Variants in TSHZ2 observed in about 807,000 individuals in gnomAD.
TSHZ2 encodes teashirt homolog 2.
TSHZ2 carries 21 observed loss-of-function variants against 74.4 expected under a neutral mutation model. The observed-to-expected ratio is 0.28, with a 90% confidence interval of 0.20 to 0.41. The LOEUF (loss-of-function observed/expected upper bound fraction) is 0.41. Among genes scored for constraint, TSHZ2 ranks in the 10% least tolerant of loss-of-function variants. The pLI is 1.00. For missense variants in TSHZ2, 1,244 were observed against 1,293.5 expected (o/e 0.96, Z 0.59); for synonymous variants, 540 against 515.3 (o/e 1.05, Z -0.65).
rs536032204 is a variant in TSHZ2, at chr20:53,175,285, C to A, written c.41-78214C>A. ...CCTCCCGAGTAGCTGGAATTACAGT[C>A]GCCCACCACCACGCCTGGCTAATTT... On this transcript the variant is annotated intron_variant, in intron 1 of 2. Transcript: ENST00000371497. Among the ~76,000 whole-genome samples the A allele has an allele frequency of 3.9e-5, 6 of 151,914 alleles. No individual in the cohort carries two copies. The East Asian group carries it at 1.2e-3, about 29-fold the overall frequency.
intron 1 of TSHZ2, among the ~76,000 whole-genome samples, chr20:53,208,326 C>G (rs1989222400): frequency 6.6e-6 from 1 of 152,146 alleles, no homozygotes; most frequent in Admixed American, 6.5e-5. Flanking sequence ...GACTGTTCCT[C>G]CCTTTGGTAG....
At chr20:53,403,946 C>A (rs1982759468) in intron 2 of TSHZ2, among the ~76,000 whole-genome samples, 1 of 152,118 alleles carries the variant, frequency 6.6e-6, no homozygotes, top group African/African-American at 2.4e-5. Flanking sequence ...TAAACAGATC[C>A]TGGGATGAGT....
intron 2 of TSHZ2, among the ~76,000 whole-genome samples, chr20:53,308,229 C>G (rs1250161614): frequency 6.6e-6 from 1 of 152,202 alleles, no homozygotes; most frequent in Admixed American, 6.5e-5. Flanking sequence ...AGAAGACAGA[C>G]AGAGAGCAGC....
At chr20:53,205,090 CAAA>C (rs778251077) in intron 1 of TSHZ2, among the ~76,000 whole-genome samples, 1 of 83,128 alleles carries the variant, frequency 1.2e-5, no homozygotes, top group African/African-American at 4.3e-5. Context: ...GACTCCATCT[CAAA>C]AAAAAAAAAA....
At chr20:53,225,289 A>C (rs950293612) in intron 1 of TSHZ2, among the ~76,000 whole-genome samples, 1 of 152,252 alleles carries the variant, frequency 6.6e-6, no homozygotes, top group African/African-American at 2.4e-5. Flanking sequence ...CCATTCCATT[A>C]GGAAGCCAAC....
chr20:53,003,802 T>C (rs1027103742), intron 1 of TSHZ2, among the ~76,000 whole-genome samples: 5 of 152,226 alleles, frequency 3.3e-5, no homozygotes, highest in South Asian at 2.1e-4. Flanking sequence ...ATATTTCATC[T>C]TGGGGACCTG....
intron 1 of TSHZ2, among the ~76,000 whole-genome samples, chr20:53,227,202 C>T (rs180811272): frequency 7.8e-4 from 119 of 151,782 alleles, no homozygotes; most frequent in African/African-American, 2.7e-3. Flanking sequence ...TCCGGAGAAA[C>T]CCATGCATTC....
At chr20:53,437,072 C>G (rs1984112252) in intron 2 of TSHZ2, among the ~76,000 whole-genome samples, 1 of 152,218 alleles carries the variant, frequency 6.6e-6, no homozygotes, top group South Asian at 2.1e-4. Context: ...GTATGCCCTC[C>G]TCTGGGCACC....
chr20:52,999,478 G>A (rs1468194057), intron 1 of TSHZ2, among the ~76,000 whole-genome samples: 3 of 152,266 alleles, frequency 2.0e-5, no homozygotes, highest in Admixed American at 1.3e-4. Context: ...TCAAGGGCCA[G>A]TGTGCGATAG....
intron 1 of TSHZ2, among the ~76,000 whole-genome samples, chr20:53,063,518 TCA>T (rs755583817): frequency 4.6e-5 from 7 of 152,202 alleles, no homozygotes; most frequent in Non-Finnish European, 1.0e-4. Flanking sequence ...CTTACTACTT[TCA>T]CACTCATCCC....
Position 53,441,954 on chromosome 20 carries a change from G to A in TSHZ2, c.*9-45190G>A, listed in dbSNP as rs1330912016. 9.9e-5 allele frequency among the ~76,000 whole-genome samples: 15 copies of A among 152,184 alleles called. No individual in the cohort carries two copies. In the East Asian group the frequency reaches 1.4e-3, roughly 14 times the overall value. ...GCTGTGCAGAAACAAATTGCAAGCC[G>A]AATTTGACCTATCCAAGCCATATTC... On this transcript the variant is annotated intron_variant, in intron 2 of 2. Transcript: ENST00000371497.
intron 2 of TSHZ2, among the ~76,000 whole-genome samples, chr20:53,259,561 G>A (rs1028145452): frequency 5.9e-5 from 9 of 152,328 alleles, no homozygotes; most frequent in Admixed American, 3.9e-4. Context: ...AGTCATCACT[G>A]TGTAATATAG....
At chr20:53,350,984 CT>C (rs897166744) in intron 2 of TSHZ2, among the ~76,000 whole-genome samples, 12 of 152,140 alleles carry the variant, frequency 7.9e-5, no homozygotes, top group African/African-American at 2.9e-4. Flanking sequence ...GGGAACAAAG[CT>C]TTTATGAAGG....
In TSHZ2 at chr20:53,253,795, A is replaced by G. The variant is rs746914576; in HGVS notation, c.337A>G (p.Arg113Gly). The G allele has an allele frequency of 1.2e-6, 2 of 1,614,220 alleles. No individual in the cohort carries two copies. The highest frequency in any genetic ancestry group is 3.3e-5 in the Admixed American group (2 of 60,026). The change falls in exon 2 of 3, where the codon AGG (arginine) becomes GGG (glycine). Residue 113 changes from arginine (R) to glycine (G), a missense_variant. Arg to Gly is a moderately radical substitution (Grantham distance 125). Coordinates refer to ENST00000371497, the MANE Select transcript of TSHZ2 (RefSeq NM_173485.6). Reference sequence around the variant, plus strand: ...AGACAAGAAAGCACACACTCACGTCAGGCTTCCAAACGAAGCACACAATTG... The same window carrying G: ...AGACAAGAAAGCACACACTCACGTCGGGCTTCCAAACGAAGCACACAATTG... ...ASDKKAHTHV[R>G]LPNEAHNCMD...
Position 53,158,691 on chromosome 20 carries a change from C to A in TSHZ2, c.41-94808C>A, listed in dbSNP as rs77431400. Among the ~76,000 whole-genome samples, 112 of 152,264 alleles carry A rather than the reference C, an allele frequency of 7.4e-4. 2 individuals carry two copies. In the East Asian group the frequency reaches 0.018, roughly 24 times the overall value. ...CCTGTCAGAGTGTCGGGCCCTGGAACGCTCCAGCTGTGATAATGTCGTGGC... is the reference window on the plus strand; with the variant it reads ...CCTGTCAGAGTGTCGGGCCCTGGAAAGCTCCAGCTGTGATAATGTCGTGGC... On this transcript the variant is annotated intron_variant, in intron 1 of 2. Coordinates refer to ENST00000371497, the MANE Select transcript of TSHZ2 (RefSeq NM_173485.6).
chr20:53,285,171 G>C (rs1356363279), intron 2 of TSHZ2, among the ~76,000 whole-genome samples: 1 of 152,136 alleles, frequency 6.6e-6, no homozygotes, highest in Non-Finnish European at 1.5e-5. Flanking sequence ...CACAAAGTGA[G>C]AAACACGGTA....
At chr20:53,047,989 TAGTA>T (rs2063060578) in intron 1 of TSHZ2, among the ~76,000 whole-genome samples, 1 of 152,168 alleles carries the variant, frequency 6.6e-6, no homozygotes, top group Non-Finnish European at 1.5e-5. Flanking sequence ...GTGGCCAAGT[TAGTA>T]AACAGGTTCG....
intron 1 of TSHZ2, among the ~76,000 whole-genome samples, chr20:53,052,238 T>A (rs1984494441): frequency 6.6e-6 from 1 of 152,182 alleles, no homozygotes; most frequent in Admixed American, 6.5e-5. Flanking sequence ...GCCACAGTTG[T>A]CTTTTTGTGA....
intron 1 of TSHZ2, among the ~76,000 whole-genome samples, chr20:53,174,030 C>T (rs1053306401): frequency 2.0e-5 from 3 of 152,104 alleles, no homozygotes; most frequent in African/African-American, 7.2e-5. Flanking sequence ...ATGGCCCTGA[C>T]CACAGGGAAA....
Sources: gnomAD v4.1 joint callset for allele counts (sites outside exome capture counted in the v4.1 genomes callset) on GRCh38, gnomAD v4.1.1 for gene constraint, MANE v1.5 for transcripts, NCBI Gene and HGNC (gene_info 2026-07-23, HGNC 2026-07-21) for gene names.